EYA2: variants seen among roughly 807,000 people sequenced by gnomAD.
EYA2 encodes the protein protein phosphatase EYA2.
Under a neutral mutation model 69.2 loss-of-function variants are expected in EYA2, and 31 were observed. The ratio of observed to expected loss-of-function variants is 0.45; its 90% CI spans 0.34 to 0.60. The LOEUF (loss-of-function observed/expected upper bound fraction) is 0.60. EYA2 is among the 20% of genes least tolerant of loss of function. EYA2 has a pLI of 0.02. For synonymous variants in EYA2, 257 were observed against 279.4 expected, an observed-to-expected ratio of 0.92 and a Z score of 0.80; for missense variants, 622 against 701.2, an observed-to-expected ratio of 0.89 and a Z score of 1.28.
intron 5 of EYA2, among the ~76,000 whole-genome samples, chr20:47,063,703 C>A (rs1390257040): frequency 6.6e-6 from 1 of 152,150 alleles, no homozygotes; most frequent in Non-Finnish European, 1.5e-5. Flanking sequence ...TCCTTGCAAC[C>A]AGACTGGCCG....
At chr20:46,987,508 G>C (rs1353413378) in intron 1 of EYA2, among the ~76,000 whole-genome samples, 1 of 152,098 alleles carries the variant, frequency 6.6e-6, no homozygotes, top group African/African-American at 2.4e-5. Flanking sequence ...CCCAGAGTTA[G>C]CCATTCTCTT....
intron 1 of EYA2, among the ~76,000 whole-genome samples, chr20:46,989,037 G>A (rs1407210739): frequency 2.6e-5 from 4 of 152,044 alleles, no homozygotes; most frequent in African/African-American, 9.7e-5. Context: ...CCAACATGGT[G>A]CAAGAATTAG....
chr20:46,947,234 A>G (rs1198440007), intron 1 of EYA2, among the ~76,000 whole-genome samples: 1 of 151,712 alleles, frequency 6.6e-6, no homozygotes, highest in Non-Finnish European at 1.5e-5. Flanking sequence ...CTTTTCTCCC[A>G]GGTTCTCTTG....
chr20:47,012,828 G>C (rs1177968621), intron 4 of EYA2, among the ~76,000 whole-genome samples: 1 of 152,180 alleles, frequency 6.6e-6, no homozygotes, highest in Non-Finnish European at 1.5e-5. Flanking sequence ...CTAAATACAA[G>C]TCTGGAGAAA....
At chr20:47,134,281 G>A (rs1028131661) in intron 9 of EYA2, among the ~76,000 whole-genome samples, 1 of 152,198 alleles carries the variant, frequency 6.6e-6, no homozygotes, top group Non-Finnish European at 1.5e-5. Flanking sequence ...GAGCAAAAAA[G>A]CCATGACAGG....
At chr20:47,082,142 C>T (rs2031745011) in intron 7 of EYA2, among the ~76,000 whole-genome samples, 2 of 152,048 alleles carry the variant, frequency 1.3e-5, no homozygotes, top group Non-Finnish European at 2.9e-5. Context: ...GCCCAGCCAA[C>T]CCTGCCAATT....
chr20:47,019,408 T>G (rs542923459), intron 5 of EYA2, among the ~76,000 whole-genome samples: 2 of 152,290 alleles, frequency 1.3e-5, no homozygotes, highest in Non-Finnish European at 2.9e-5. Context: ...ATATTCCTCC[T>G]TAAGTATTTT....
chr20:47,166,335 G>A (rs979634752), intron 10 of EYA2, among the ~76,000 whole-genome samples: 1 of 142,620 alleles, frequency 7.0e-6, no homozygotes, highest in East Asian at 2.1e-4. Context: ...GGGAGGTGGT[G>A]GCAGTGAACT....
Position 46,934,694 on chromosome 20 carries a change from T to G in EYA2, c.-11+39707T>G, listed in dbSNP as rs186277459. On this transcript the variant is annotated intron_variant, in intron 1 of 15. Coordinates refer to ENST00000327619, the MANE Select transcript of EYA2 (RefSeq NM_005244.5). ...AGAAGACCGTTCATTCAAACTTGAT[T>G]ATGTGCACTGGGTGGAAATTTATTG... Among the ~76,000 whole-genome samples, 4 of 151,974 alleles carry G rather than the reference T, an allele frequency of 2.6e-5. No homozygotes were observed. The East Asian group carries it at 5.9e-4, about 22-fold the overall frequency.
At position 46,924,935 on chromosome 20, in the gene EYA2, T is replaced by G. The variant is rs1985350256; in HGVS notation, c.-11+29948T>G. On this transcript the variant is annotated intron_variant, in intron 1 of 15. Coordinates refer to ENST00000327619, the MANE Select transcript of EYA2 (RefSeq NM_005244.5). The stretch of plus-strand genomic sequence containing the variant: ...AACAGAAATTTACTCTCTCCGGAGG[T>G]GGAAGTCTCCAGAGAGCCTGCAAGG... 1.3e-5 allele frequency among the ~76,000 whole-genome samples: 2 copies of G among 152,110 alleles called. 1 individual carries two copies. The highest frequency in any genetic ancestry group is 1.3e-4 in the Admixed American group (2 of 15,282).
chr20:47,076,614 A>G (rs1355021887), intron 7 of EYA2, among the ~76,000 whole-genome samples: 1 of 152,182 alleles, frequency 6.6e-6, no homozygotes, highest in Non-Finnish European at 1.5e-5. Context: ...ATTAGCCAAG[A>G]TTTTTTGGCT....
intron 9 of EYA2, among the ~76,000 whole-genome samples, chr20:47,131,913 G>T (rs2033352012): frequency 6.6e-6 from 1 of 152,210 alleles, no homozygotes; most frequent in African/African-American, 2.4e-5. Flanking sequence ...ACTACACCAG[G>T]TTTTCTATTT....
Position 47,035,386 on chromosome 20 carries a change from C to A in EYA2, c.415+19089C>A, listed in dbSNP as rs1484964425. ...AATAGAACCTTCTTCCCAGCCACCC[C>A]CTCCCATAGCCACACAATATCTCTT... On this transcript the variant is annotated intron_variant, in intron 5 of 15. Transcript: ENST00000327619. Among the ~76,000 whole-genome samples the A allele has an allele frequency of 3.9e-5, 6 of 152,272 alleles. No homozygotes were observed. The South Asian group carries it at 8.3e-4, about 21-fold the overall frequency.
At chr20:46,915,521 G>A (rs905903958) in intron 1 of EYA2, among the ~76,000 whole-genome samples, 1 of 152,148 alleles carries the variant, frequency 6.6e-6, no homozygotes, top group Non-Finnish European at 1.5e-5. Context: ...TGGTCTCAGA[G>A]CCTTGGTGAT....
chr20:47,062,151 C>G (rs1481740976), intron 5 of EYA2, among the ~76,000 whole-genome samples: 1 of 152,224 alleles, frequency 6.6e-6, no homozygotes, highest in Non-Finnish European at 1.5e-5. Flanking sequence ...TGAGGAATAC[C>G]TGGTGCATCC....
chr20:47,178,821 G>GGGGGTGGATGGATGGATAT (rs2034475073), intron 12 of EYA2, among the ~76,000 whole-genome samples: 22 of 109,050 alleles, frequency 2.0e-4, no homozygotes, highest in Non-Finnish European at 3.0e-4. Context: ...GGATGGGTGG[G>GGGGGTGGATGGATGGATAT]TGGGTGGATG....
At chr20:47,042,786 T>G (rs1361091251) in intron 5 of EYA2, among the ~76,000 whole-genome samples, 1 of 152,100 alleles carries the variant, frequency 6.6e-6, no homozygotes, top group African/African-American at 2.4e-5. Flanking sequence ...CTGCTTCACC[T>G]CCAGCCGTCA....
intron 1 of EYA2, among the ~76,000 whole-genome samples, chr20:46,921,554 C>A (rs1469046929): frequency 6.6e-6 from 1 of 152,226 alleles, no homozygotes; most frequent in Non-Finnish European, 1.5e-5. Context: ...TATGCCTCTG[C>A]CCTCAGGGTT....
At chr20:47,128,814 T>C (rs1402373455) in intron 9 of EYA2, among the ~76,000 whole-genome samples, 1 of 152,244 alleles carries the variant, frequency 6.6e-6, no homozygotes, top group East Asian at 1.9e-4. Context: ...TCACACATAT[T>C]CATATATTCA....
Sources: allele counts gnomAD v4.1 joint callset (sites outside exome capture counted in the v4.1 genomes callset), GRCh38; gene constraint gnomAD v4.1.1; transcripts MANE v1.5; gene names NCBI Gene and HGNC (gene_info 2026-07-23, HGNC 2026-07-21).